AGBL4: variants seen among roughly 807,000 people sequenced by gnomAD.
The protein encoded by AGBL4 is cytosolic carboxypeptidase 6.
A neutral mutation model predicts 66.4 loss-of-function variants in AGBL4; 58 were observed. That is an observed-to-expected ratio of 0.87 (90% CI 0.71 to 1.09). The LOEUF is 1.09. Among genes scored for constraint, AGBL4 ranks in the 50% least tolerant of loss-of-function variants. AGBL4 has a pLI of 0.00. For missense variants in AGBL4, 579 were observed against 631.0 expected, an observed-to-expected ratio of 0.92 and a Z score of 0.88; for synonymous variants, 234 against 222.9, an observed-to-expected ratio of 1.05 and a Z score of -0.44.
chr1:48,627,021 G>A (rs996146191), intron 9 of AGBL4, among the ~76,000 whole-genome samples: 4 of 152,004 alleles, frequency 2.6e-5, no homozygotes, highest in African/African-American at 9.7e-5. Context: ...TACGTGGGGT[G>A]TATGAGGGGT....
intron 5 of AGBL4, among the ~76,000 whole-genome samples, chr1:49,019,961 G>T (rs1442276436): frequency 3.3e-5 from 5 of 152,188 alleles, no homozygotes; most frequent in African/African-American, 1.2e-4. Context: ...CTTAGCTAGT[G>T]CCATATGTGG....
chr1:49,674,164 T>C (rs1646535257), intron 3 of AGBL4, among the ~76,000 whole-genome samples: 1 of 152,112 alleles, frequency 6.6e-6, no homozygotes, highest in South Asian at 2.1e-4. Context: ...GAAACAGCTT[T>C]TTCTTTTTTA....
At position 48,877,778 on chromosome 1, in the gene AGBL4, A is replaced by G. The variant is rs75996805; in HGVS notation, c.595-10548T>C. ...CTGAACTCCCCTGTGTTGTTTGAAT[A>G]AGGATTAGGAGCACAGAGATAGGTG... On this transcript the variant is annotated intron_variant, in intron 5 of 13. Transcript: ENST00000371839. 8.1e-3 allele frequency among the ~76,000 whole-genome samples: 1,234 copies of G among 152,154 alleles called. 34 individuals carry two copies. In the East Asian group the frequency reaches 0.11, roughly 14 times the overall value.
At chr1:48,944,135 C>T (rs1454127298) in intron 5 of AGBL4, among the ~76,000 whole-genome samples, 2 of 152,056 alleles carry the variant, frequency 1.3e-5, no homozygotes, top group African/African-American at 4.8e-5. Context: ...TAGAAATAGT[C>T]AAGGTAACAG....
At chr1:49,690,844 T>C (rs944288215) in intron 3 of AGBL4, among the ~76,000 whole-genome samples, 2 of 152,196 alleles carry the variant, frequency 1.3e-5, no homozygotes, top group Non-Finnish European at 2.9e-5. Flanking sequence ...TCCCATGTGT[T>C]TCTTCCATCA....
At chr1:49,774,274 C>G (rs1214023654) in intron 2 of AGBL4, among the ~76,000 whole-genome samples, 1 of 152,134 alleles carries the variant, frequency 6.6e-6, no homozygotes, top group East Asian at 1.9e-4. Flanking sequence ...TACCTTTTCC[C>G]CATAAGTAGA....
In AGBL4 at chr1:49,178,903, C is replaced by T. The variant is rs551579787; in HGVS notation, c.377+66867G>A. Among the ~76,000 whole-genome samples the T allele has an allele frequency of 1.9e-3, 287 of 152,236 alleles. 2 individuals are homozygous for T. Among genetic ancestry groups the T allele is most frequent in the African/African-American group, 6.5e-3 (268 of 41,540 alleles). On this transcript the variant is annotated intron_variant, in intron 4 of 13. Transcript: ENST00000371839. ...TCATCCACTTGGGGTGACTAGAGAACGGTCAGTAATTACTGGGTACATCTT... is the reference window on the plus strand; with the variant it reads ...TCATCCACTTGGGGTGACTAGAGAATGGTCAGTAATTACTGGGTACATCTT...
intron 4 of AGBL4, among the ~76,000 whole-genome samples, chr1:49,094,230 AC>A (rs1172516969): frequency 6.6e-6 from 1 of 151,746 alleles, no homozygotes; most frequent in Non-Finnish European, 1.5e-5. Context: ...CCACTCCCCT[AC>A]CCCCACCAAA....
At chr1:48,760,960 G>C (rs763655333) in intron 6 of AGBL4, 35 of 167,342 alleles carry the variant, frequency 2.1e-4, no homozygotes, top group Non-Finnish European at 3.0e-4. Flanking sequence ...GCTATCTGGG[G>C]CACTCTGACA....
chr1:49,291,923 C>T (rs571348461), intron 3 of AGBL4, among the ~76,000 whole-genome samples: 1 of 152,314 alleles, frequency 6.6e-6, no homozygotes, highest in South Asian at 2.1e-4. Flanking sequence ...GGGTCTCACA[C>T]TCTACAGAGC....
chr1:49,011,847 C>G (rs1662446241), intron 5 of AGBL4, among the ~76,000 whole-genome samples: 1 of 121,440 alleles, frequency 8.2e-6, no homozygotes. Context: ...CACATGGACA[C>G]AGGAAGGGGA....
chr1:48,968,155 C>T (rs938995381), intron 5 of AGBL4, among the ~76,000 whole-genome samples: 1 of 152,046 alleles, frequency 6.6e-6, no homozygotes, highest in African/African-American at 2.4e-5. Flanking sequence ...ATAGCAGGAA[C>T]TATCCCTAGG....
At chr1:49,980,497 C>T (rs1658968124) in intron 1 of AGBL4, among the ~76,000 whole-genome samples, 1 of 152,086 alleles carries the variant, frequency 6.6e-6, no homozygotes, top group African/African-American at 2.4e-5. Flanking sequence ...CTTTAAATAC[C>T]ACATATAAGT....
At chr1:49,595,420 A>G (rs1644833977) in intron 3 of AGBL4, among the ~76,000 whole-genome samples, 1 of 152,106 alleles carries the variant, frequency 6.6e-6, no homozygotes, top group African/African-American at 2.4e-5. Context: ...TATTTTTTAA[A>G]TATTTACAGT....
At chr1:49,088,049 C>T (rs1644938840) in intron 4 of AGBL4, among the ~76,000 whole-genome samples, 1 of 152,108 alleles carries the variant, frequency 6.6e-6, no homozygotes, top group Non-Finnish European at 1.5e-5. Flanking sequence ...CAATTGATTA[C>T]CATCCAATTT....
chr1:49,943,413 G>T (rs143015360), intron 1 of AGBL4, among the ~76,000 whole-genome samples: 1 of 152,102 alleles, frequency 6.6e-6, no homozygotes, highest in Admixed American at 6.6e-5. Context: ...TAAAGGAAGC[G>T]GATTGCTCCT....
At chr1:49,651,710 G>T (rs377234069) in intron 3 of AGBL4, among the ~76,000 whole-genome samples, 1 of 151,766 alleles carries the variant, frequency 6.6e-6, no homozygotes. Context: ...TAAAAAAAAA[G>T]AAATCCCACT....
At chr1:49,088,307 C>G (rs1167799169) in intron 4 of AGBL4, among the ~76,000 whole-genome samples, 2 of 152,040 alleles carry the variant, frequency 1.3e-5, no homozygotes, top group African/African-American at 2.4e-5. Flanking sequence ...ATAACGAATG[C>G]CCAACCGTAT....
At chr1:49,744,414 G>A (rs569315563) in intron 2 of AGBL4, among the ~76,000 whole-genome samples, 3 of 152,052 alleles carry the variant, frequency 2.0e-5, no homozygotes, top group Non-Finnish European at 4.4e-5. Flanking sequence ...TATGCTTCCT[G>A]TACTGCTTGC....
Sources: allele counts gnomAD v4.1 joint callset (sites outside exome capture counted in the v4.1 genomes callset), GRCh38; gene constraint gnomAD v4.1.1; transcripts MANE v1.5; gene names NCBI Gene and HGNC (gene_info 2026-07-23, HGNC 2026-07-21).